Variants in GAN observed in about 807,000 individuals in gnomAD.
GAN encodes gigaxonin.
GAN carries 48 observed loss-of-function variants against 71.3 expected under a neutral mutation model. The observed-to-expected ratio is 0.67, with a 90% CI of 0.53 to 0.86. GAN has a LOEUF of 0.86. Among genes scored for constraint, GAN ranks in the 40% least tolerant of loss-of-function variants. The probability of loss-of-function intolerance (pLI) is 0.00; values close to 1 mark genes in which losing one functional copy is unlikely to be tolerated. For missense variants in GAN, 928 were observed against 770.1 expected, an observed-to-expected ratio of 1.21 and a Z score of -2.43; for synonymous variants, 386 against 276.8, an observed-to-expected ratio of 1.39 and a Z score of -3.92.
intron 1 of GAN, among the ~76,000 whole-genome samples, chr16:81,317,297 A>G (rs1028788509): frequency 6.6e-6 from 1 of 152,260 alleles, no homozygotes; most frequent in African/African-American, 2.4e-5. Context: ...ACATTTTCAT[A>G]GTACACAGAC....
At position 81,382,073 on chromosome 16, in the gene GAN, G is replaced by A. The variant is rs1337264000; in HGVS notation, c.*4477G>A. 6.6e-6 allele frequency: 1 copy of A among 152,092 alleles called. No homozygotes were observed. The highest frequency in any genetic ancestry group is 1.5e-5 in the Non-Finnish European group (1 of 68,058). The allele number at this position is 152,092 out of a possible 1,614,324, so 9.4% of individuals were successfully genotyped here. A position where few individuals can be genotyped will look rare whatever the true frequency, so the allele number is the denominator to read the frequency against. ...GCTTTATTGACTGCTTTTTATATGG[G>A]TGTCAAAATCTTTCCAGGACATACC... is the stretch of plus-strand genomic sequence containing the variant. On this transcript the variant is annotated 3_prime_UTR_variant, in exon 11 of 11. Transcript: ENST00000648994.
intron 9 of GAN, among the ~76,000 whole-genome samples, chr16:81,370,822 C>T (rs113006105): frequency 6.6e-6 from 1 of 152,376 alleles, no homozygotes; most frequent in Non-Finnish European, 1.5e-5. Context: ...ATCTATATTA[C>T]TTCCATCCTT....
intron 1 of GAN, among the ~76,000 whole-genome samples, chr16:81,346,699 A>G (rs1255138667): frequency 6.6e-6 from 1 of 152,178 alleles, no homozygotes; most frequent in Non-Finnish European, 1.5e-5. Flanking sequence ...CTGCTCTAAG[A>G]TGCCTGAGAA....
rs1369300038 is a variant in GAN at position 81,390,495 on chromosome 16, G to C, written c.*12899G>C. ...GTTTACATGCTTCAGTATATTGTGG[G>C]GTTGGTCCCTTCTCACGAACCCAGG... On this transcript the variant is annotated 3_prime_UTR_variant, in exon 11 of 11. Transcript: ENST00000648994. 2 of 152,172 alleles carry C rather than the reference G, an allele frequency of 1.3e-5. No individual in the cohort carries two copies. Among genetic ancestry groups the C allele is most frequent in the Non-Finnish European group, 2.9e-5 (2 of 68,032 alleles). 9.4% of individuals were successfully genotyped at this position (152,172 alleles called of 1,614,324 possible). A position where few individuals can be genotyped will look rare whatever the true frequency, so the allele number is the denominator to read the frequency against.
At chr16:81,353,882 A>G (rs1256879717) in intron 2 of GAN, among the ~76,000 whole-genome samples, 1 of 152,184 alleles carries the variant, frequency 6.6e-6, no homozygotes, top group Non-Finnish European at 1.5e-5. Flanking sequence ...TGCACTGCGT[A>G]CAGTGTTTTG....
chr16:81,376,505 GTGTGTA>G (rs1464078639), intron 9 of GAN, among the ~76,000 whole-genome samples: 43 of 137,970 alleles, frequency 3.1e-4, no homozygotes, highest in African/African-American at 9.4e-4. Context: ...GTGTGTGTGT[GTGTGTA>G]TGTGTGTGTG....
chr16:81,374,508 T>G (rs1297605663), intron 9 of GAN, among the ~76,000 whole-genome samples: 1 of 152,230 alleles, frequency 6.6e-6, no homozygotes, highest in East Asian at 1.9e-4. Context: ...TAATTGGAAT[T>G]TTTCGGTAAA....
At chr16:81,340,104 C>T (rs536272541) in intron 1 of GAN, among the ~76,000 whole-genome samples, 14 of 152,138 alleles carry the variant, frequency 9.2e-5, no homozygotes, top group South Asian at 2.1e-4. Flanking sequence ...TATATTTGTT[C>T]GTTTCTTTGT....
chr16:81,365,541 A>G, intron 9 of GAN, 63 bp downstream of exon 9: 1 of 1,519,930 alleles, frequency 6.6e-7, no homozygotes, highest in Non-Finnish European at 9.1e-7. Flanking sequence ...GTCGTATTTT[A>G]GCTTTGTTTA....
chr16:81,354,728 G>C lies in GAN; in HGVS notation c.606G>C (p.Trp202Cys). The C allele has an allele frequency of 6.3e-7, 1 of 1,595,790 alleles. No homozygotes were observed. Among genetic ancestry groups the C allele is most frequent in the Non-Finnish European group, 8.6e-7 (1 of 1,163,268 alleles). ...ATGTCTTTGAAGCAGTAATTCGATGGATAGCACATGATACAGAAATAAGAA... is the reference window on the plus strand; with the variant it reads ...ATGTCTTTGAAGCAGTAATTCGATGCATAGCACATGATACAGAAATAAGAA... ...ERYVFEAVIR[W>C]IAHDTEIRKV... Residue 202 changes from tryptophan to cysteine, a missense_variant, in exon 3 of 11, where the codon TGG (tryptophan) becomes TGC (cysteine). By Grantham distance (215) the Trp-to-Cys change is radical (BLOSUM62 -2). Transcript: ENST00000648994.
chr16:81,362,509 G>C lies in GAN; in HGVS notation c.984G>C (p.Leu328Phe). 6.3e-7 allele frequency: 1 copy of C among 1,589,634 alleles called. No homozygotes were observed. Among genetic ancestry groups the C allele is most frequent in the Non-Finnish European group, 8.6e-7 (1 of 1,157,716 alleles). Residue 328 changes from leucine to phenylalanine, a missense_variant, in exon 6 of 11, where the codon TTG becomes TTC. Transcript: ENST00000648994. ...NHGVLSAEGF[L>F]FVFGGQDENK... ...CTTTGATCTTTGCAGAAGGATTTTT[G>C]TTTGTATTCGGGGGCCAAGATGAAA...
At chr16:81,341,662 C>T (rs1238050277) in intron 1 of GAN, among the ~76,000 whole-genome samples, 1 of 152,150 alleles carries the variant, frequency 6.6e-6, no homozygotes, top group Middle Eastern at 3.2e-3. Context: ...ACAACCGGTA[C>T]CAGCCACTGT....
intron 1 of GAN, among the ~76,000 whole-genome samples, chr16:81,319,710 C>T (rs932653693): frequency 4.6e-5 from 7 of 151,334 alleles, no homozygotes; most frequent in Admixed American, 1.3e-4. Flanking sequence ...TTCCCCCCGA[C>T]CCCCCCTTAT....
intron 3 of GAN, among the ~76,000 whole-genome samples, chr16:81,355,990 A>G (rs560248099): frequency 3.3e-5 from 5 of 152,250 alleles, no homozygotes; most frequent in Admixed American, 2.6e-4. Context: ...AAAATTTCCT[A>G]TGTGCTCCCA....
chr16:81,385,005 T>C lies in GAN; in HGVS notation c.*7409T>C, dbSNP rs1904359225. ...AGTGATGCCGTGGCCAAAAGAGTTA[T>C]GCCCATTTCTAAAAGCCTGGCATAT... On this transcript the variant is annotated 3_prime_UTR_variant, in exon 11 of 11. Transcript: ENST00000648994. 1 of 154,330 alleles carries C rather than the reference T, an allele frequency of 6.5e-6. No individual in the cohort carries two copies. The highest frequency in any genetic ancestry group is 2.4e-5 in the African/African-American group (1 of 41,518). The allele number at this position is 154,330 out of a possible 1,614,324, so 9.6% of individuals were successfully genotyped here. A position where few individuals can be genotyped will look rare whatever the true frequency, so the allele number is the denominator to read the frequency against.
rs937570073 is a variant in GAN at position 81,382,045 on chromosome 16, T to G, written c.*4449T>G. ...TTATAATGTTGATCATGTTTAGTAT[T>G]GGGCTTTATTGACTGCTTTTTATAT... is the stretch of plus-strand genomic sequence containing the variant. On this transcript the variant is annotated 3_prime_UTR_variant, in exon 11 of 11. Transcript: ENST00000648994. 1.3e-5 allele frequency: 2 copies of G among 152,250 alleles called. No individual in the cohort carries two copies. Among genetic ancestry groups the G allele is most frequent in the African/African-American group, 4.8e-5 (2 of 41,452 alleles). The allele number at this position is 152,250 out of a possible 1,614,324, so 9.4% of individuals were successfully genotyped here.
chr16:81,370,236 A>G (rs1434568536), intron 9 of GAN, among the ~76,000 whole-genome samples: 1 of 152,200 alleles, frequency 6.6e-6, no homozygotes, highest in African/African-American at 2.4e-5. Context: ...CCCACTGACC[A>G]CATTGTGCTG....
rs1904312808 is a variant in GAN at position 81,382,906 on chromosome 16, TAAATC to T, written c.*5312_*5316del. 6.6e-6 allele frequency: 1 copy of T among 152,242 alleles called. No individual in the cohort carries two copies. Among genetic ancestry groups the T allele is most frequent in the African/African-American group, 2.4e-5 (1 of 41,472 alleles). The allele number at this position is 152,242 out of a possible 1,614,324, so 9.4% of individuals were successfully genotyped here. A position where few individuals can be genotyped will look rare whatever the true frequency, so the allele number is the denominator to read the frequency against. On this transcript the variant is annotated 3_prime_UTR_variant, in exon 11 of 11. Coordinates refer to ENST00000648994, the MANE Select transcript of GAN (RefSeq NM_022041.4). ...TCCATTTATGTGACATCTGAGGAAT[TAAATC>T]ATACTTCCAGATGGTTTGGTCTAAT...
intron 1 of GAN, among the ~76,000 whole-genome samples, chr16:81,337,954 C>A (rs1567484511): frequency 6.6e-6 from 1 of 152,148 alleles, no homozygotes; most frequent in Non-Finnish European, 1.5e-5. Flanking sequence ...GGGTAGGTCT[C>A]AGGGCTGAGT....
Sources: gnomAD v4.1 joint callset for allele counts (sites outside exome capture counted in the v4.1 genomes callset) on GRCh38, gnomAD v4.1.1 for gene constraint, MANE v1.5 for transcripts, NCBI Gene and HGNC (gene_info 2026-07-23, HGNC 2026-07-21) for gene names.